Variants in NPHS1 observed in about 807,000 individuals in gnomAD.
The protein encoded by NPHS1 is nephrin.
A neutral mutation model predicts 139.7 loss-of-function variants in NPHS1; 107 were observed. The ratio of observed to expected loss-of-function variants is 0.77; its 90% confidence interval spans 0.66 to 0.90. The LOEUF (loss-of-function observed/expected upper bound fraction) is 0.90. Among genes scored for constraint, NPHS1 ranks in the 40% least tolerant of loss-of-function variants. The pLI is 0.00. For missense variants in NPHS1, 1,580 were observed against 1,654.2 expected, an observed-to-expected ratio of 0.96 and a Z score of 0.78; for synonymous variants, 707 against 706.6, an observed-to-expected ratio of 1.00 and a Z score of -0.01.
In NPHS1 at chr19:35,848,733, T is replaced by C. The variant is rs1973182568; in HGVS notation, c.1074A>G (p.Thr358=). 6.2e-7 allele frequency: 1 copy of C among 1,613,864 alleles called. No homozygotes were observed. Residue 358 remains threonine, a synonymous_variant, in exon 9 of 29, where the codon ACA becomes ACG. Transcript: ENST00000378910. The stretch of plus-strand genomic sequence containing the variant: ...GACTGGACTTGCTGACACAGGAGAG[T>C]GTCACGTTCTTGTTCTCAGTCTGGG... ...SASQTENKNV[T]LSCVSKSSRP...
At position 35,843,603 on chromosome 19, in the gene NPHS1, G is replaced by A. The variant is rs1174113199; in HGVS notation, c.2213-10C>T. 6.2e-7 allele frequency: 1 copy of A among 1,613,900 alleles called. No individual in the cohort carries two copies. Among genetic ancestry groups the A allele is most frequent in the Non-Finnish European group, 8.5e-7 (1 of 1,179,804 alleles). ...CGGATGGTGGGAGCATCTGGTGGAA[G>A]GCAGAGGCTTGGGGAAGACACTTGG... On this transcript the variant is annotated splice_polypyrimidine_tract_variant and intron_variant, in intron 16 of 28. Coordinates refer to ENST00000378910, the MANE Select transcript of NPHS1 (RefSeq NM_004646.4).
chr19:35,831,599 T>C, intron 24 of NPHS1, 44 bp downstream of exon 24: 1 of 1,601,200 alleles, frequency 6.2e-7, no homozygotes, highest in Non-Finnish European at 8.6e-7. Flanking sequence ...GGGTTCCCTA[T>C]CACCCTCGGG....
At chr19:35,840,625 C>T (rs940372626) in intron 20 of NPHS1, among the ~76,000 whole-genome samples, 2 of 151,978 alleles carry the variant, frequency 1.3e-5, no homozygotes, top group African/African-American at 2.4e-5. Flanking sequence ...TGAGCCACTG[C>T]ACCCGGCAGT....
At chr19:35,833,174 G>A (rs991104108) in intron 23 of NPHS1, among the ~76,000 whole-genome samples, 3 of 151,790 alleles carry the variant, frequency 2.0e-5, no homozygotes, top group Non-Finnish European at 4.4e-5. Flanking sequence ...CATTATAGGC[G>A]CGAGCCACCG....
intron 19 of NPHS1, 111 bp from the exon 20 acceptor site, chr19:35,841,977 T>A: frequency 7.1e-7 from 1 of 1,412,916 alleles, no homozygotes; most frequent in Non-Finnish European, 9.8e-7. Context: ...TATCCATTCA[T>A]CCATTTATCT....
chr19:35,826,403 T>C lies in NPHS1; in HGVS notation c.*111A>G. ...CTCCATGTCCTCTCCTGACACCAAG[T>C]CCCTTTGGGTTTTATGGAGCTCACC... On this transcript the variant is annotated 3_prime_UTR_variant, in exon 29 of 29. Transcript: ENST00000378910. 1 of 1,288,854 alleles carries C rather than the reference T, an allele frequency of 7.8e-7. No individual in the cohort carries two copies. Among genetic ancestry groups the C allele is most frequent in the Non-Finnish European group, 1.1e-6 (1 of 890,016 alleles). The allele number at this position is 1,288,854 out of a possible 1,614,324, so 79.8% of individuals were successfully genotyped here.
chr19:35,842,269 C>T lies in NPHS1; in HGVS notation c.2518G>A (p.Val840Met). ...LRLVVRFAPQ[V>M]EHPTPLTKVA... is the part of the protein sequence containing the mutation. ...TTAGTTAGGGGAGTGGGGTGCTCCA[C>T]CTGGGGGGCAACTGGGAGGGGATGG... is the stretch of plus-strand genomic sequence containing the variant. The change falls in exon 19 of 29, where the codon GTG (valine) becomes ATG (methionine). Residue 840 changes from valine (V) to methionine (M), a missense_variant. Transcript: ENST00000378910. 1 of 1,612,804 alleles carries T rather than the reference C, an allele frequency of 6.2e-7. No homozygotes were observed. The highest frequency in any genetic ancestry group is 8.5e-7 in the Non-Finnish European group (1 of 1,179,990).
intron 22 of NPHS1, among the ~76,000 whole-genome samples, chr19:35,836,087 G>T (rs867155202): frequency 3.9e-4 from 56 of 142,450 alleles, no homozygotes; most frequent in African/African-American, 1.4e-3. Flanking sequence ...AGCCTCCCAA[G>T]TAGCTGGGAC....
intron 20 of NPHS1, 24 bp from the exon 21 acceptor site, chr19:35,839,631 C>T: frequency 1.3e-6 from 2 of 1,566,968 alleles, no homozygotes; most frequent in Non-Finnish European, 1.8e-6. Flanking sequence ...GATGGGAAAG[C>T]AGTCAGAGGA....
In NPHS1 at chr19:35,842,517, T is replaced by A; in HGVS notation, c.2368A>T (p.Met790Leu). 6.2e-7 allele frequency: 1 copy of A among 1,614,120 alleles called. No individual in the cohort carries two copies. The highest frequency in any genetic ancestry group is 8.5e-7 in the Non-Finnish European group (1 of 1,180,010). The change falls in exon 18 of 29, where the codon ATG (methionine) becomes TTG (leucine). Residue 790 changes from methionine (M) to leucine (L), a missense_variant. Met to Leu is a conservative substitution (Grantham distance 15). Coordinates refer to ENST00000378910, the MANE Select transcript of NPHS1 (RefSeq NM_004646.4). ...EDEEDQSLDD[M>L]EKISRGPTGR... ...GTTGGTCCCCTGGATATCTTCTCCA[T>A]GTCATCCAGGCTCTGGTCCTCCTCA...
intron 8 of NPHS1, 76 bp from the exon 9 acceptor site, chr19:35,848,870 G>A: frequency 2.5e-6 from 4 of 1,610,338 alleles, no homozygotes; most frequent in Non-Finnish European, 3.4e-6. Flanking sequence ...CAGGACTGGA[G>A]ACAGATGCTG....
intron 16 of NPHS1, 78 bp from the exon 17 acceptor site, chr19:35,843,671 A>G (rs1457321105): frequency 6.3e-7 from 1 of 1,579,334 alleles, no homozygotes; most frequent in Non-Finnish European, 8.7e-7. Context: ...GGTGGGAGGG[A>G]TGTCTTAGGG....
In NPHS1 at chr19:35,843,484, G is replaced by A; in HGVS notation, c.2322C>T (p.Asn774=). 1.9e-6 allele frequency: 3 copies of A among 1,614,134 alleles called. No homozygotes were observed. Among genetic ancestry groups the A allele is most frequent in the Non-Finnish European group, 2.5e-6 (3 of 1,179,986 alleles). Residue 774 remains asparagine, a synonymous_variant, in exon 17 of 29, where the codon AAC becomes AAT. Coordinates refer to ENST00000378910, the MANE Select transcript of NPHS1 (RefSeq NM_004646.4). ...DANPILPGMF[N]WERLGEDEED... is the part of the protein sequence containing the mutation. ...GCTGGATCCTCACCAGTCTCTCCCAGTTGAACATGCCCGGGAGGATGGGAT... is the reference window on the plus strand; with the variant it reads ...GCTGGATCCTCACCAGTCTCTCCCAATTGAACATGCCCGGGAGGATGGGAT...
At chr19:35,835,578 G>C in intron 23 of NPHS1, 127 bp downstream of exon 23, 1 of 870,310 alleles carries the variant, frequency 1.1e-6, no homozygotes, top group Non-Finnish European at 2.0e-6. Context: ...TTACAGGCGT[G>C]AGCGACTGAG....
chr19:35,826,681 G>C lies in NPHS1; in HGVS notation c.3595-36C>G, dbSNP rs73928317. ...AAAAGTGGAGTTAGAACCATGGAGAGATGCCCTGTAGGTCTTCATTGAAGA... is the reference window on the plus strand; with the variant it reads ...AAAAGTGGAGTTAGAACCATGGAGACATGCCCTGTAGGTCTTCATTGAAGA... On this transcript the variant is annotated intron_variant, in intron 28 of 28. Transcript: ENST00000378910. 6,725 of 1,613,132 alleles carry C rather than the reference G, an allele frequency of 4.2e-3. 242 individuals carry two copies. The African/African-American group carries it at 0.08, about 19-fold the overall frequency.
Position 35,844,002 on chromosome 19 carries a change from G to A in NPHS1, c.2212+101C>T, listed in dbSNP as rs368464805. 3 of 1,490,616 alleles carry A rather than the reference G, an allele frequency of 2.0e-6. No individual in the cohort carries two copies. The African/African-American group carries it at 4.1e-5, about 20-fold the overall frequency. The allele number at this position is 1,490,616 out of a possible 1,614,324, so 92.3% of individuals were successfully genotyped here. A position where few individuals can be genotyped will look rare whatever the true frequency, so the allele number is the denominator to read the frequency against. The stretch of plus-strand genomic sequence containing the variant: ...TTCCAGAACGGGAGGGTTCCAGGAT[G>A]GGTGGCTATCCCTGGGTGGGCGGAG... On this transcript the variant is annotated intron_variant, in intron 16 of 28. Transcript: ENST00000378910.
chr19:35,832,754 G>T (rs1445657643), intron 23 of NPHS1, among the ~76,000 whole-genome samples: 1 of 151,044 alleles, frequency 6.6e-6, no homozygotes, highest in East Asian at 2.0e-4. Context: ...GGGTGTGGTG[G>T]CAGGCACCTG....
At chr19:35,832,854 T>G (rs1599836498) in intron 23 of NPHS1, among the ~76,000 whole-genome samples, 1 of 117,930 alleles carries the variant, frequency 8.5e-6, no homozygotes, top group African/African-American at 3.3e-5. Flanking sequence ...GCTACTGCAC[T>G]CCAGCCTGGG....
intron 14 of NPHS1, 48 bp from the exon 15 acceptor site, chr19:35,844,507 G>T (rs1365428696): frequency 6.5e-7 from 1 of 1,537,014 alleles, no homozygotes; most frequent in Non-Finnish European, 8.7e-7. Context: ...TAAGGTTAGG[G>T]TCAAGGACAG....
Sources: gnomAD v4.1 joint callset for allele counts (sites outside exome capture counted in the v4.1 genomes callset) on GRCh38, gnomAD v4.1.1 for gene constraint, MANE v1.5 for transcripts, NCBI Gene and HGNC (gene_info 2026-07-23, HGNC 2026-07-21) for gene names.